Variants in NUDC observed in about 807,000 individuals in gnomAD.
NUDC encodes the protein nuclear migration protein nudC.
Under a neutral mutation model 45.0 loss-of-function variants are expected in NUDC, and 14 were observed. The ratio of observed to expected loss-of-function variants is 0.31; its 90% CI spans 0.21 to 0.49. The LOEUF is 0.49. NUDC is among the 20% of genes least tolerant of loss of function. The pLI is 0.99. For synonymous variants in NUDC, 153 were observed against 156.7 expected (o/e 0.98, Z 0.17); for missense variants, 323 against 426.2 (o/e 0.76, Z 2.13).
chr1:26,908,554 T>C (rs1164370465), intron 2 of NUDC, among the ~76,000 whole-genome samples: 1 of 152,046 alleles, frequency 6.6e-6, no homozygotes, highest in East Asian at 1.9e-4. Flanking sequence ...TAGAGATTTT[T>C]CTTGTTGTTT....
At chr1:26,913,374 C>G (rs557708108) in intron 3 of NUDC, 1 of 1,609,190 alleles carries the variant, frequency 6.2e-7, no homozygotes, top group Non-Finnish European at 8.5e-7. Flanking sequence ...CCTGCTTCAG[C>G]CTTGCCCCCC....
intron 3 of NUDC, among the ~76,000 whole-genome samples, chr1:26,913,203 C>T (rs1443235626): frequency 6.6e-6 from 1 of 152,124 alleles, no homozygotes; most frequent in African/African-American, 2.4e-5. Flanking sequence ...GAGAAAATTG[C>T]TTGAACCCAG....
intron 3 of NUDC, among the ~76,000 whole-genome samples, chr1:26,915,979 C>T (rs753264471): frequency 6.6e-6 from 1 of 151,732 alleles, no homozygotes; most frequent in Non-Finnish European, 1.5e-5. Context: ...GGGCAAATCA[C>T]TTTCTCTTTC....
At chr1:26,919,033 C>G (rs2082076120), upstream of NUDC, among the ~76,000 whole-genome samples, 1 of 152,032 alleles carries the variant, frequency 6.6e-6, no homozygotes, top group African/African-American at 2.4e-5. Flanking sequence ...TTGCCTCGGC[C>G]TCCTAAAGTG....
At chr1:26,909,625 C>T (rs764353995) in intron 2 of NUDC, among the ~76,000 whole-genome samples, 2 of 152,102 alleles carry the variant, frequency 1.3e-5, no homozygotes, top group African/African-American at 2.4e-5. Flanking sequence ...ACTGGTAGGG[C>T]ATAAAAGATA....
chr1:26,946,257 C>T lies in NUDC; in HGVS notation c.*76C>T, dbSNP rs2082317220. On this transcript the variant is annotated 3_prime_UTR_variant, in exon 9 of 9. Coordinates refer to ENST00000321265, the MANE Select transcript of NUDC (RefSeq NM_006600.4). ...CTTTCTTTCCCACTCTTCTCTGGGA[C>T]TTGTGGGCCTCAGGGCTTGGGGCAG... 3.8e-6 allele frequency: 5 copies of T among 1,305,508 alleles called. No homozygotes were observed. The highest frequency in any genetic ancestry group is 1.7e-5 in the Admixed American group (1 of 59,490). 80.9% of individuals were successfully genotyped at this position (1,305,508 alleles called of 1,614,324 possible).
At chr1:26,913,700 G>C in intron 3 of NUDC, 1 of 1,610,764 alleles carries the variant, frequency 6.2e-7, no homozygotes, top group Non-Finnish European at 8.5e-7. Flanking sequence ...TGGTCCTGGG[G>C]AGGCAGCTGC....
chr1:26,941,440 C>G lies in NUDC; in HGVS notation c.160-17C>G, dbSNP rs752116041. 1.9e-6 allele frequency: 3 copies of G among 1,612,208 alleles called. No homozygotes were observed. In the East Asian group the frequency reaches 6.7e-5, roughly 36 times the overall value. On this transcript the variant is annotated splice_polypyrimidine_tract_variant and intron_variant, in intron 2 of 8. Coordinates refer to ENST00000321265, the MANE Select transcript of NUDC (RefSeq NM_006600.4). ...GTCCCCTGCTCTGATGCCTCATGGC[C>G]TTTCTTCCCTCTCCAGCTTATCACA...
upstream of NUDC, among the ~76,000 whole-genome samples, chr1:26,916,848 G>A (rs1012523687): frequency 2.6e-5 from 4 of 152,134 alleles, no homozygotes; most frequent in Admixed American, 2.6e-4. Context: ...CCAGCTACTC[G>A]AAAGACTAAG....
upstream of NUDC, among the ~76,000 whole-genome samples, chr1:26,917,292 G>C (rs2082066630): frequency 1.3e-5 from 2 of 151,126 alleles, no homozygotes; most frequent in East Asian, 3.9e-4. Flanking sequence ...CTGGATGTGG[G>C]GGTTCACACC....
At chr1:26,917,105 A>C (rs1279331750), upstream of NUDC, among the ~76,000 whole-genome samples, 1 of 151,850 alleles carries the variant, frequency 6.6e-6, no homozygotes, top group East Asian at 1.9e-4. Context: ...TAAAAATACA[A>C]AAATGAGTCA....
Position 26,941,668 on chromosome 1 carries a change from G to A in NUDC, c.363+8G>A, listed in dbSNP as rs757477053. 13 of 1,612,520 alleles carry A rather than the reference G, an allele frequency of 8.1e-6. No homozygotes were observed. The Admixed American group carries it at 2.2e-4, about 27-fold the overall frequency. On this transcript the variant is annotated splice_region_variant and intron_variant, in intron 3 of 8. Coordinates refer to ENST00000321265, the MANE Select transcript of NUDC (RefSeq NM_006600.4). ...CAGCTAGAGATTGACCAGGTGAAGG[G>A]TGGGCTTCCCTTCTCCACCCCTCAG... is the stretch of plus-strand genomic sequence containing the variant.
At chr1:26,900,270 G>C in exon 1 of NUDC, 2 of 1,614,032 alleles carry the variant, frequency 1.2e-6, no homozygotes, top group Non-Finnish European at 1.7e-6. Context: ...AGCGGCCTGC[G>C]GAGGGGCCCG....
chr1:26,912,876 C>A (rs2082036790), intron 3 of NUDC, among the ~76,000 whole-genome samples: 2 of 152,220 alleles, frequency 1.3e-5, no homozygotes, highest in South Asian at 4.1e-4. Context: ...AAGGGCCAGT[C>A]TCTGGAGTGA....
chr1:26,917,176 T>C (rs1193794034), upstream of NUDC, among the ~76,000 whole-genome samples: 1 of 151,986 alleles, frequency 6.6e-6, no homozygotes, highest in Non-Finnish European at 1.5e-5. Flanking sequence ...GAGGATAGCT[T>C]GAACCTGGGA....
upstream of NUDC, among the ~76,000 whole-genome samples, chr1:26,921,056 A>G (rs2082087913): frequency 6.6e-6 from 1 of 152,246 alleles, no homozygotes; most frequent in Admixed American, 6.5e-5. Flanking sequence ...TCCTGAAAAG[A>G]CTAAGATGAT....
intron 1 of NUDC, among the ~76,000 whole-genome samples, chr1:26,923,166 A>G (rs2082104701): frequency 1.3e-5 from 2 of 152,192 alleles, no homozygotes; most frequent in Non-Finnish European, 2.9e-5. Flanking sequence ...AGACTAAGCC[A>G]TGGTTCATGG....
upstream of NUDC, among the ~76,000 whole-genome samples, chr1:26,921,502 G>A (rs1020880876): frequency 2.6e-5 from 4 of 152,194 alleles, no homozygotes; most frequent in African/African-American, 9.6e-5. Flanking sequence ...TTGAGTCCAG[G>A]GCTTTCTAGA....
intron 2 of NUDC, among the ~76,000 whole-genome samples, chr1:26,909,836 C>G (rs1187335794): frequency 6.6e-6 from 1 of 151,980 alleles, no homozygotes; most frequent in Non-Finnish European, 1.5e-5. Flanking sequence ...TGGGGGGATA[C>G]AGGGCTTGTT....
Sources: allele counts gnomAD v4.1 joint callset (sites outside exome capture counted in the v4.1 genomes callset), GRCh38; gene constraint gnomAD v4.1.1; transcripts MANE v1.5; gene names NCBI Gene and HGNC (gene_info 2026-07-23, HGNC 2026-07-21).